The following FSHR variants were observed in gnomAD, a reference collection of about 807,000 sequenced individuals.
FSHR encodes the protein follicle stimulating hormone receptor.
A neutral mutation model predicts 52.1 loss-of-function variants in FSHR; 46 were observed. The observed-to-expected ratio is 0.88, with a 90% confidence interval of 0.70 to 1.13. The LOEUF is 1.13. FSHR is among the 50% of genes most tolerant of loss of function. The pLI, the probability that FSHR is intolerant of heterozygous loss-of-function variation, is 0.00. For missense variants in FSHR, 964 were observed against 834.6 expected, an observed-to-expected ratio of 1.16 and a Z score of -1.91; for synonymous variants, 399 against 309.6, an observed-to-expected ratio of 1.29 and a Z score of -3.03.
intron 1 of FSHR, among the ~76,000 whole-genome samples, chr2:49,088,569 G>C (rs1361283702): frequency 6.6e-6 from 1 of 152,172 alleles, no homozygotes; most frequent in Non-Finnish European, 1.5e-5. Context: ...TGTAGTTTCA[G>C]GCAGAATGAC....
At chr2:49,092,690 G>A (rs990009030) in intron 1 of FSHR, among the ~76,000 whole-genome samples, 16 of 151,586 alleles carry the variant, frequency 1.1e-4, no homozygotes, top group South Asian at 6.3e-4. Context: ...TTTTTGAGAC[G>A]GAGTCTCCCT....
intron 1 of FSHR, among the ~76,000 whole-genome samples, chr2:49,127,742 TTCTTCTTCTTTC>T (rs1672059791): frequency 1.0e-5 from 1 of 99,030 alleles, no homozygotes; most frequent in Non-Finnish European, 1.9e-5. Flanking sequence ...GCATGATTTC[TTCTTCTTCTTTC>T]TTCTTCTTCT....
chr2:49,075,883 A>T (rs1241838831), intron 1 of FSHR, among the ~76,000 whole-genome samples: 1 of 152,094 alleles, frequency 6.6e-6, no homozygotes, highest in Non-Finnish European at 1.5e-5. Context: ...GGAGTGAACC[A>T]CCTGTCTCTA....
At chr2:48,985,258 G>C (rs979354184) in intron 6 of FSHR, among the ~76,000 whole-genome samples, 1 of 152,182 alleles carries the variant, frequency 6.6e-6, no homozygotes, top group African/African-American at 2.4e-5. Flanking sequence ...GGAAGCTACA[G>C]AAGTGAACTT....
At chr2:49,119,385 TTTTTTG>T (rs1254657903) in intron 1 of FSHR, among the ~76,000 whole-genome samples, 1 of 150,682 alleles carries the variant, frequency 6.6e-6, no homozygotes. Context: ...TCTTTGTTTT[TTTTTTG>T]TTTTTGTTTT....
At chr2:49,127,824 T>TTCTTCTTCTTCTTCC (rs1672089165) in intron 1 of FSHR, among the ~76,000 whole-genome samples, 1 of 55,552 alleles carries the variant, frequency 1.8e-5, no homozygotes, top group Non-Finnish European at 3.3e-5. Flanking sequence ...CTTCTTCTTC[T>TTCTTCTTCTTCTTCC]TCTTCCTCTT....
chr2:48,982,544 A>T (rs1675298604), intron 8 of FSHR, among the ~76,000 whole-genome samples: 1 of 152,180 alleles, frequency 6.6e-6, no homozygotes, highest in Non-Finnish European at 1.5e-5. Flanking sequence ...TAACTCTTGT[A>T]TAACCTTGAG....
At chr2:49,152,812 T>A (rs2103865988) in intron 1 of FSHR, among the ~76,000 whole-genome samples, 1 of 152,318 alleles carries the variant, frequency 6.6e-6, no homozygotes, top group East Asian at 1.9e-4. Flanking sequence ...CTAAAATGGC[T>A]TCAGAAATGA....
At position 49,035,744 on chromosome 2, in the gene FSHR, G is replaced by A. The variant is rs562385370; in HGVS notation, c.225-15584C>T. On this transcript the variant is annotated intron_variant, in intron 2 of 9. Coordinates refer to ENST00000406846, the MANE Select transcript of FSHR (RefSeq NM_000145.4). ...TGACTGGTCAAAACCACTCATGGGT[G>A]CTGGTGGTTTGTATGTTACTATTTA... 2.0e-5 allele frequency among the ~76,000 whole-genome samples: 3 copies of A among 152,320 alleles called. No homozygotes were observed. The East Asian group carries it at 5.8e-4, about 29-fold the overall frequency.
chr2:49,092,405 T>G (rs1670646539), intron 1 of FSHR, among the ~76,000 whole-genome samples: 1 of 152,220 alleles, frequency 6.6e-6, no homozygotes, highest in African/African-American at 2.4e-5. Context: ...CTTCTAGTAC[T>G]ATGTGAATAG....
chr2:48,999,322 G>A (rs1010130909), intron 4 of FSHR, among the ~76,000 whole-genome samples: 1 of 152,086 alleles, frequency 6.6e-6, no homozygotes, highest in Non-Finnish European at 1.5e-5. Context: ...TAGAGTTGAG[G>A]ATGCTCAGCT....
At chr2:48,979,771 G>A (rs761270974) in intron 8 of FSHR, among the ~76,000 whole-genome samples, 2 of 151,906 alleles carry the variant, frequency 1.3e-5, no homozygotes, top group East Asian at 3.9e-4. Context: ...AGCACCCTCC[G>A]GTAAACCTCC....
intron 8 of FSHR, 142 bp downstream of exon 8, chr2:48,982,770 A>C (rs1675309666): frequency 6.7e-6 from 5 of 748,688 alleles, no homozygotes; most frequent in East Asian, 5.3e-5. Flanking sequence ...AATTGTCTCT[A>C]TAAATTTTTG....
chr2:48,990,306 T>C lies in FSHR; in HGVS notation c.446+260A>G, dbSNP rs115491435. On this transcript the variant is annotated intron_variant, in intron 5 of 9. Transcript: ENST00000406846. ...ATTAAAGCGCTAAATAGTGAAAAAATGAGCCACTTTTTGATTTTGCTACAT... is the reference window on the plus strand; with the variant it reads ...ATTAAAGCGCTAAATAGTGAAAAAACGAGCCACTTTTTGATTTTGCTACAT... 0.02 allele frequency among the ~76,000 whole-genome samples: 3,023 copies of C among 152,198 alleles called. 90 individuals are homozygous for C. The highest frequency in any genetic ancestry group is 0.064 in the African/African-American group (2,655 of 41,518).
chr2:49,075,533 G>C (rs1669918579), intron 1 of FSHR, among the ~76,000 whole-genome samples: 1 of 151,858 alleles, frequency 6.6e-6, no homozygotes, highest in East Asian at 1.9e-4. Context: ...AAAACTGAGA[G>C]AGAAAAAAAG....
At chr2:48,985,743 G>A (rs1024775772) in intron 6 of FSHR, among the ~76,000 whole-genome samples, 5 of 101,024 alleles carry the variant, frequency 4.9e-5, no homozygotes, top group African/African-American at 2.0e-4. Context: ...GTCTCGCTCT[G>A]TCGCCCAGGC....
intron 1 of FSHR, among the ~76,000 whole-genome samples, chr2:49,089,732 C>T (rs1670531058): frequency 7.2e-6 from 1 of 139,246 alleles, no homozygotes; most frequent in African/African-American, 2.5e-5. Context: ...TGATTTTTGA[C>T]AGTTCCTAAT....
intron 2 of FSHR, among the ~76,000 whole-genome samples, chr2:49,056,001 C>G (rs1669048548): frequency 6.6e-6 from 1 of 151,730 alleles, no homozygotes; most frequent in Admixed American, 6.6e-5. Context: ...ACACAAAGGA[C>G]AAAGAGAAAG....
rs1175027963 is a variant in FSHR at position 49,055,218 on chromosome 2, T to TA, written c.224+13000dup. On this transcript the variant is annotated intron_variant, in intron 2 of 9. Coordinates refer to ENST00000406846, the MANE Select transcript of FSHR (RefSeq NM_000145.4). ...AGAGCCAAACAGAAATCTTACAGCT[T>TA]AAAAAATCAATTAATAAAATATAAA... Among the ~76,000 whole-genome samples, 4 of 151,514 alleles carry TA rather than the reference T, an allele frequency of 2.6e-5. No individual in the cohort carries two copies. The East Asian group carries it at 5.8e-4, about 22-fold the overall frequency.
Sources: gnomAD v4.1 joint callset for allele counts (sites outside exome capture counted in the v4.1 genomes callset) on GRCh38, gnomAD v4.1.1 for gene constraint, MANE v1.5 for transcripts, NCBI Gene and HGNC (gene_info 2026-07-23, HGNC 2026-07-21) for gene names.